The following WDR17 variants were observed in gnomAD, a reference collection of about 807,000 sequenced individuals.
WDR17 encodes the protein WD repeat-containing protein 17.
In WDR17, 143 loss-of-function variants were observed where a neutral mutation model predicts 161.7. The ratio of observed to expected loss-of-function variants is 0.88; its 90% CI spans 0.77 to 1.02. The LOEUF (loss-of-function observed/expected upper bound fraction) is 1.02. WDR17 is among the 50% of genes least tolerant of loss of function. The probability of loss-of-function intolerance (pLI) is 0.00; values close to 1 mark genes in which losing one functional copy is unlikely to be tolerated. For synonymous variants in WDR17, 517 were observed against 515.6 expected (o/e 1.00, Z -0.04); for missense variants, 1,469 against 1,520.9 (o/e 0.97, Z 0.57).
At chr4:176,154,254 G>T (rs936605279) in intron 17 of WDR17, among the ~76,000 whole-genome samples, 7 of 152,140 alleles carry the variant, frequency 4.6e-5, no homozygotes, top group Admixed American at 3.3e-4. Flanking sequence ...GCTGAGGCAG[G>T]TGGATCACCT....
chr4:176,076,453 T>TTAAGCAATATA (rs1734047875), intron 1 of WDR17, among the ~76,000 whole-genome samples: 1 of 150,304 alleles, frequency 6.7e-6, no homozygotes, highest in African/African-American at 2.4e-5. Flanking sequence ...TGTTTTTGTT[T>TTAAGCAATATA]CTGTAGTTTT....
At chr4:176,179,052 AT>A (rs1251617643) in intron 28 of WDR17, among the ~76,000 whole-genome samples, 2 of 152,162 alleles carry the variant, frequency 1.3e-5, no homozygotes, top group Non-Finnish European at 2.9e-5. Context: ...GGCTTAAATA[AT>A]TTCCCCAGCT....
At chr4:176,066,125 T>C (rs554710036) in intron 1 of WDR17, 46 bp downstream of exon 1, 1 of 152,396 alleles carries the variant, frequency 6.6e-6, no homozygotes, top group East Asian at 1.9e-4. Flanking sequence ...AAGCTCAGGA[T>C]TGATGTGGGT....
At position 176,148,328 on chromosome 4, in the gene WDR17, T is replaced by C. The variant is rs1476511130; in HGVS notation, c.1890T>C (p.Asp630=). ...CVDTVYDHGA[D]VYGLTCHPSR... Reference sequence around the variant, plus strand: ...ATACTGTGTATGATCACGGTGCAGATGTATATGGTAGAGTGTCTTTCATTC... The same window carrying C: ...ATACTGTGTATGATCACGGTGCAGACGTATATGGTAGAGTGTCTTTCATTC... The change falls in exon 13 of 29, where the codon GAT becomes GAC. Residue 630 remains aspartate, a synonymous_variant. Transcript: ENST00000508596. 1.9e-6 allele frequency: 3 copies of C among 1,612,588 alleles called. No homozygotes were observed. Among genetic ancestry groups the C allele is most frequent in the Admixed American group, 3.3e-5 (2 of 59,904 alleles).
rs1486417119 is a variant in WDR17 at position 176,168,749 on chromosome 4, G to T, written c.3068G>T (p.Gly1023Val). The T allele has an allele frequency of 1.2e-6, 2 of 1,613,106 alleles. No homozygotes were observed. Residue 1023 changes from glycine to valine, a missense_variant, in exon 23 of 29, where the codon GGA (glycine) becomes GTA (valine). Transcript: ENST00000508596. The stretch of plus-strand genomic sequence containing the variant: ...ATAAAACTCTGTGCTTTCTACCCAG[G>T]ATGTACTGAAGAGATAAATGACCTT... ...HLIKLCAFYPGCTEEINDLHD... is the reference protein window; with the variant it reads ...HLIKLCAFYPVCTEEINDLHD...
chr4:176,071,467 C>T (rs1216225011), intron 1 of WDR17, among the ~76,000 whole-genome samples: 4 of 152,074 alleles, frequency 2.6e-5, no homozygotes, highest in East Asian at 1.9e-4. Context: ...GGATTACAGG[C>T]GCAGGCCATT....
intron 1 of WDR17, among the ~76,000 whole-genome samples, chr4:176,095,590 A>C (rs1163982964): frequency 1.3e-5 from 2 of 151,954 alleles, no homozygotes; most frequent in South Asian, 2.1e-4. Context: ...CAAACATTGT[A>C]ATTTCCCCCC....
chr4:176,117,113 C>T (rs1292077445), intron 3 of WDR17, among the ~76,000 whole-genome samples: 1 of 151,922 alleles, frequency 6.6e-6, no homozygotes, highest in Non-Finnish European at 1.5e-5. Flanking sequence ...ATTCGGTGAG[C>T]TTCCATTAAT....
chr4:176,130,344 T>A (rs1743153457), intron 6 of WDR17, among the ~76,000 whole-genome samples: 1 of 152,182 alleles, frequency 6.6e-6, no homozygotes. Flanking sequence ...GCCTCTTTTG[T>A]CATTTGTAGT....
intron 1 of WDR17, chr4:176,096,478 A>T: frequency 6.5e-7 from 1 of 1,535,224 alleles, no homozygotes; most frequent in Non-Finnish European, 8.9e-7. Context: ...GACTATTCTG[A>T]TGCCGAGTTT....
At chr4:176,067,657 A>G (rs898760647) in intron 1 of WDR17, among the ~76,000 whole-genome samples, 1 of 152,164 alleles carries the variant, frequency 6.6e-6, no homozygotes, top group Admixed American at 6.5e-5. Context: ...AAATAATTCC[A>G]TAGATTAGAA....
Position 176,111,723 on chromosome 4 carries a change from C to T in WDR17, c.123+20C>T. 6.5e-7 allele frequency: 1 copy of T among 1,531,064 alleles called. No individual in the cohort carries two copies. The highest frequency in any genetic ancestry group is 8.8e-7 in the Non-Finnish European group (1 of 1,139,234). The allele number at this position is 1,531,064 out of a possible 1,614,324, so 94.8% of individuals were successfully genotyped here. A position where few individuals can be genotyped will look rare whatever the true frequency, so the allele number is the denominator to read the frequency against. ...TATCAGGTAAAATAATAATTCTTTT[C>T]CATTTTTAATTATATCCGGTAAAAT... On this transcript the variant is annotated intron_variant, in intron 2 of 28. Coordinates refer to ENST00000508596, the MANE Select transcript of WDR17 (RefSeq NM_181265.4).
Position 176,125,214 on chromosome 4 carries a change from G to C in WDR17, c.649G>C (p.Val217Leu). 6.2e-7 allele frequency: 1 copy of C among 1,614,152 alleles called. No individual in the cohort carries two copies. The highest frequency in any genetic ancestry group is 8.5e-7 in the Non-Finnish European group (1 of 1,180,020). ...WDPLSTDYLLVVNLHYGIRLV... is the reference protein window; with the variant it reads ...WDPLSTDYLLLVNLHYGIRLV... Reference sequence around the variant, plus strand: ...CCCACTATCTACTGATTATCTTCTAGTGGTTAATTTGCATTATGGAATTCG... The same window carrying C: ...CCCACTATCTACTGATTATCTTCTACTGGTTAATTTGCATTATGGAATTCG... The change falls in exon 5 of 29, where the codon GTG (valine) becomes CTG (leucine). Residue 217 changes from valine to leucine, a missense_variant. Coordinates refer to ENST00000508596, the MANE Select transcript of WDR17 (RefSeq NM_181265.4).
At position 176,179,577 on chromosome 4, in the gene WDR17, TG is replaced by T; in HGVS notation, c.3851del (p.Ter1284TyrfsTer13). On this transcript the variant is annotated frameshift_variant and stop_lost, in exon 29 of 29. Transcript: ENST00000508596. LOFTEE classifies it high-confidence loss of function. ...GACTGGAATACGACTCAATCCATTC[TG>T]ATAGAAGATTTTTGTCCATGCTTGA... ...LGTGIRLNPF[*>X] 6.5e-7 allele frequency: 1 copy of T among 1,547,538 alleles called. No homozygotes were observed.
Position 176,167,658 on chromosome 4 carries a change from A to AAAAAC in WDR17, c.2991-1010_2991-1009insCAAAA, listed in dbSNP as rs1554036539. Among the ~76,000 whole-genome samples the AAAAAC allele has an allele frequency of 3.9e-4, 27 of 69,670 alleles. 3 individuals carry two copies. The highest frequency in any genetic ancestry group is 2.3e-3 in the Admixed American group (12 of 5,186). 45.7% of individuals were successfully genotyped at this position (69,670 alleles called of 152,430 possible). A position where few individuals can be genotyped will look rare whatever the true frequency, so the allele number is the denominator to read the frequency against. The stretch of plus-strand genomic sequence containing the variant: ...AGACTCCGTCTCAAAAAAAAAAAAA[A>AAAAAC]AAAAAAAAAAAAAACAATATCTTGA... On this transcript the variant is annotated intron_variant, in intron 22 of 28. Transcript: ENST00000508596.
chr4:176,174,710 G>C lies in WDR17; in HGVS notation c.3441G>C (p.Glu1147Asp). Residue 1147 changes from glutamate to aspartate, a missense_variant, in exon 26 of 29, where the codon GAG becomes GAC. Coordinates refer to ENST00000508596, the MANE Select transcript of WDR17 (RefSeq NM_181265.4). ...AAAGCATTGTTCCAGCACTTTATGA[G>C]TACACAAGGTAAAAAAGGTTTTTTC... ...QYQSIVPALYEYTSQLLKRRE... is the reference protein window; with the variant it reads ...QYQSIVPALYDYTSQLLKRRE... The C allele has an allele frequency of 6.3e-7, 1 of 1,597,178 alleles. No homozygotes were observed. The highest frequency in any genetic ancestry group is 1.3e-5 in the African/African-American group (1 of 74,596).
In WDR17 at chr4:176,082,495, T is replaced by G. The variant is rs117168187; in HGVS notation, c.-7+16416T>G. Among the ~76,000 whole-genome samples, 52 of 152,144 alleles carry G rather than the reference T, an allele frequency of 3.4e-4. 1 individual carries two copies. In the East Asian group the frequency reaches 9.1e-3, roughly 27 times the overall value. ...ATAACCGAGAAATGCAACATTACAG[T>G]GGCTTAAAAGTCCAGGTTTTCCGGG... is the stretch of plus-strand genomic sequence containing the variant. On this transcript the variant is annotated intron_variant, in intron 1 of 28. Coordinates refer to ENST00000508596, the MANE Select transcript of WDR17 (RefSeq NM_181265.4).
intron 26 of WDR17, 71 bp from the exon 27 acceptor site, chr4:176,176,983 CATTT>C: frequency 1.0e-6 from 1 of 976,128 alleles, no homozygotes; most frequent in Non-Finnish European, 1.6e-6. Context: ...TCTAAAATCA[CATTT>C]AAAGTTTGTT....
At chr4:176,139,526 G>T (rs554269911) in intron 9 of WDR17, among the ~76,000 whole-genome samples, 152 of 152,056 alleles carry the variant, frequency 1.0e-3, no homozygotes, top group African/African-American at 3.6e-3. Flanking sequence ...GTGTTTGGAA[G>T]CAGATAGATA....
Sources: gnomAD v4.1 joint callset for allele counts (sites outside exome capture counted in the v4.1 genomes callset) on GRCh38, gnomAD v4.1.1 for gene constraint, MANE v1.5 for transcripts, NCBI Gene and HGNC (gene_info 2026-07-23, HGNC 2026-07-21) for gene names.